Variants in ZNF32 observed in about 807,000 individuals in gnomAD.
The protein encoded by ZNF32 is zinc finger protein 32, also known as C2H2-546.
Under a neutral mutation model 24.4 loss-of-function variants are expected in ZNF32, and 13 were observed. The observed-to-expected ratio is 0.53, with a 90% CI of 0.35 to 0.85. ZNF32 has a LOEUF of 0.85. Ranked by LOEUF, ZNF32 falls within the 40% of genes least tolerant of loss-of-function variation. The probability of loss-of-function intolerance (pLI) is 0.01; values close to 1 mark genes in which losing one functional copy is unlikely to be tolerated. For missense variants in ZNF32, 239 were observed against 325.3 expected, an observed-to-expected ratio of 0.73 and a Z score of 2.04; for synonymous variants, 115 against 117.4, an observed-to-expected ratio of 0.98 and a Z score of 0.13.
Position 43,644,600 on chromosome 10 carries a change from C to A in ZNF32, c.272G>T (p.Ser91Ile). 3 of 1,613,942 alleles carry A rather than the reference C, an allele frequency of 1.9e-6. No homozygotes were observed. The highest frequency in any genetic ancestry group is 2.5e-6 in the Non-Finnish European group (3 of 1,179,910). The stretch of plus-strand genomic sequence containing the variant: ...GTGGATTCTCTCATGTAACGTTAGA[C>A]TACCTTTTTGCCGGAAGGATTTTCC... ...ECGKSFRQKG[S>I]LTLHERIHTG... The change falls in exon 3 of 3, where the codon AGT (serine) becomes ATT (isoleucine). Residue 91 changes from serine to isoleucine, a missense_variant. Coordinates refer to ENST00000374433, the MANE Select transcript of ZNF32 (RefSeq NM_006973.3). This position sits in a 1 kb window ranked among gnomAD's most constrained non-coding sequence, Gnocchi z 5.3.
chr10:43,644,837 C>A lies in ZNF32; in HGVS notation c.71-36G>T. 6.5e-7 allele frequency: 1 copy of A among 1,547,358 alleles called. No individual in the cohort carries two copies. The highest frequency in any genetic ancestry group is 8.7e-7 in the Non-Finnish European group (1 of 1,151,822). On this transcript the variant is annotated intron_variant, in intron 2 of 2. Coordinates refer to ENST00000374433, the MANE Select transcript of ZNF32 (RefSeq NM_006973.3). The surrounding 1 kb of genome is among the most constrained non-coding windows in gnomAD (Gnocchi z 5.3). The stretch of plus-strand genomic sequence containing the variant: ...GAGAGGGAAGTCATATAAGAAGCAC[C>A]AATAATGCTGAGTTAGAATAGGGAA...
chr10:43,647,509 G>A (rs1325912668), intron 1 of ZNF32: 5 of 152,072 alleles, frequency 3.3e-5, no homozygotes, highest in African/African-American at 4.8e-5. Flanking sequence ...CAAAATGCTG[G>A]CCTTCTGATT....
chr10:43,648,492 C>T (rs1178291257), intron 1 of ZNF32: 1 of 152,124 alleles, frequency 6.6e-6, no homozygotes, highest in Non-Finnish European at 1.5e-5. Flanking sequence ...CCTCCCACGC[C>T]CCGACGCCAT....
rs1366345407 is a variant in ZNF32 at position 43,644,043 on chromosome 10, A to C, written c.*7T>G. 2 of 1,601,338 alleles carry C rather than the reference A, an allele frequency of 1.2e-6. No homozygotes were observed. The highest frequency in any genetic ancestry group is 1.7e-6 in the Non-Finnish European group (2 of 1,174,788). On this transcript the variant is annotated 3_prime_UTR_variant, in exon 3 of 3. Coordinates refer to ENST00000374433, the MANE Select transcript of ZNF32 (RefSeq NM_006973.3). This position sits in a 1 kb window ranked among gnomAD's most constrained non-coding sequence, Gnocchi z 5.3. ...TTCATAAAGAGAACTTCTCTTCAGG[A>C]AAGTGGTCAAAGGGTGAGCCTCTGT...
In ZNF32 at chr10:43,646,035, C is replaced by A. The variant is rs116698198; in HGVS notation, c.70+29G>T. ...GGACACTGAATATCTGTGAGCTGAG[C>A]GCATCCAGCCATCAACTGACTCACT... On this transcript the variant is annotated intron_variant, in intron 2 of 2. Transcript: ENST00000374433. The A allele has an allele frequency of 1.9e-6, 3 of 1,613,052 alleles. No individual in the cohort carries two copies. The East Asian group carries it at 6.7e-5, about 36-fold the overall frequency.
intron 1 of ZNF32, chr10:43,648,015 T>C (rs1839374330): frequency 6.6e-6 from 1 of 152,206 alleles, no homozygotes; most frequent in Admixed American, 6.5e-5. Context: ...TTGATTTTCC[T>C]ATTAGAAAGG....
chr10:43,644,061 G>A lies in ZNF32; in HGVS notation c.811C>T (p.Leu271Phe). Reference protein sequence around the residue: ...AVHQRSCSQRLTL With the variant: ...AVHQRSCSQRFTL ...CTTCAGGAAAGTGGTCAAAGGGTGAGCCTCTGTGAGCAGCTTCGCTGGTGC... is the reference window on the plus strand; with the variant it reads ...CTTCAGGAAAGTGGTCAAAGGGTGAACCTCTGTGAGCAGCTTCGCTGGTGC... Residue 271 changes from leucine to phenylalanine, a missense_variant, in exon 3 of 3, where the codon CTC becomes TTC. Physicochemically the swap from Leu to Phe is conservative, Grantham distance 22 (BLOSUM62 0). Transcript: ENST00000374433. The surrounding 1 kb of genome is among the most constrained non-coding windows in gnomAD (Gnocchi z 5.3). 6.2e-7 allele frequency: 1 copy of A among 1,612,436 alleles called. No individual in the cohort carries two copies. Among genetic ancestry groups the A allele is most frequent in the African/African-American group, 1.3e-5 (1 of 74,960 alleles).
Position 43,644,707 on chromosome 10 carries a change from C to T in ZNF32, c.165G>A (p.Leu55=), listed in dbSNP as rs766235856. Residue 55 remains leucine, a synonymous_variant, in exon 3 of 3, where the codon CTG becomes CTA. Coordinates refer to ENST00000374433, the MANE Select transcript of ZNF32 (RefSeq NM_006973.3). The surrounding 1 kb of genome is among the most constrained non-coding windows in gnomAD (Gnocchi z 5.3). ...DIQNSFRREK[L]EQKSPDSKTL... ...TCTTCGAATCTGGGGATTTTTGTTC[C>T]AGCTTCTCTCTTCTGAAAGAATTTT... 3.5e-5 allele frequency: 56 copies of T among 1,613,992 alleles called. No homozygotes were observed. The highest frequency in any genetic ancestry group is 4.7e-5 in the Non-Finnish European group (55 of 1,180,024).
rs1839209069 is a variant in ZNF32 at position 43,644,436 on chromosome 10, C to T, written c.436G>A (p.Gly146Ser). Residue 146 changes from glycine (G) to serine (S), a missense_variant, in exon 3 of 3, where the codon GGT becomes AGT. Physicochemically the swap from Gly to Ser is moderately conservative, Grantham distance 56. Transcript: ENST00000374433. This position sits in a 1 kb window ranked among gnomAD's most constrained non-coding sequence, Gnocchi z 5.3. The stretch of plus-strand genomic sequence containing the variant: ...AGTCTCTCGTGGACAGCGAGACTAC[C>T]TCGTTGACTGAAGCTTTTCCCACAC... ...KECGKSFSQR[G>S]SLAVHERLHT... 1.2e-6 allele frequency: 2 copies of T among 1,614,038 alleles called. No homozygotes were observed. The highest frequency in any genetic ancestry group is 1.7e-6 in the Non-Finnish European group (2 of 1,180,026).
chr10:43,646,047 T>C lies in ZNF32; in HGVS notation c.70+17A>G. 1 of 1,614,000 alleles carries C rather than the reference T, an allele frequency of 6.2e-7. No homozygotes were observed. Among genetic ancestry groups the C allele is most frequent in the South Asian group, 1.1e-5 (1 of 91,058 alleles). The stretch of plus-strand genomic sequence containing the variant: ...TCTGTGAGCTGAGCGCATCCAGCCA[T>C]CAACTGACTCACTCACTGAAGAACG... On this transcript the variant is annotated intron_variant, in intron 2 of 2. Transcript: ENST00000374433.
chr10:43,646,108 A>G lies in ZNF32; in HGVS notation c.26T>C (p.Leu9Pro), dbSNP rs747797677. 1.2e-6 allele frequency: 2 copies of G among 1,614,168 alleles called. No homozygotes were observed. Among genetic ancestry groups the G allele is most frequent in the Admixed American group, 3.3e-5 (2 of 60,022 alleles). The stretch of plus-strand genomic sequence containing the variant: ...GGCATATCTTCCATGACAGTCCAGC[A>G]GGGTAGCTGTTGGAAATCCAAACAT... Reference protein sequence around the residue: MFGFPTATLLDCHGRYAQN... With the variant: MFGFPTATPLDCHGRYAQN... The change falls in exon 2 of 3, where the codon CTG becomes CCG. Residue 9 changes from leucine to proline, a missense_variant. By Grantham distance (98) the Leu-to-Pro change is moderately conservative (BLOSUM62 -3). Coordinates refer to ENST00000374433, the MANE Select transcript of ZNF32 (RefSeq NM_006973.3).
At position 43,646,079 on chromosome 10, in the gene ZNF32, T is replaced by C. The variant is rs1839276776; in HGVS notation, c.55A>G (p.Asn19Asp). ...LLDCHGRYAQ[N>D]VAFFNVMTEA... is the part of the protein sequence containing the mutation. ...ACTCACTCACTGAAGAACGCTACAT[T>C]CTGGGCATATCTTCCATGACAGTCC... The change falls in exon 2 of 3, where the codon AAT becomes GAT. Residue 19 changes from asparagine (N) to aspartate (D), a missense_variant. Transcript: ENST00000374433. 1 of 1,614,138 alleles carries C rather than the reference T, an allele frequency of 6.2e-7. No individual in the cohort carries two copies. Among genetic ancestry groups the C allele is most frequent in the Non-Finnish European group, 8.5e-7 (1 of 1,180,012 alleles).
chr10:43,644,908 T>G lies in ZNF32; in HGVS notation c.71-107A>C. On this transcript the variant is annotated intron_variant, in intron 2 of 2. Transcript: ENST00000374433. The surrounding 1 kb of genome is among the most constrained non-coding windows in gnomAD (Gnocchi z 5.3). ...GTGCTTATGATGTGCCAGGCCTTATTCTTTGCATAGACAATGCAATCCTGA... is the reference window on the plus strand; with the variant it reads ...GTGCTTATGATGTGCCAGGCCTTATGCTTTGCATAGACAATGCAATCCTGA... 7.9e-7 allele frequency: 1 copy of G among 1,259,388 alleles called. No individual in the cohort carries two copies. The highest frequency in any genetic ancestry group is 1.1e-6 in the Non-Finnish European group (1 of 919,868). 78.0% of individuals were successfully genotyped at this position (1,259,388 alleles called of 1,614,324 possible). A position where few individuals can be genotyped will look rare whatever the true frequency, so the allele number is the denominator to read the frequency against.
At position 43,646,058 on chromosome 10, in the gene ZNF32, A is replaced by G; in HGVS notation, c.70+6T>C. 1 of 1,614,066 alleles carries G rather than the reference A, an allele frequency of 6.2e-7. No homozygotes were observed. Among genetic ancestry groups the G allele is most frequent in the Non-Finnish European group, 8.5e-7 (1 of 1,179,966 alleles). On this transcript the variant is annotated splice_donor_region_variant and intron_variant, in intron 2 of 2. Coordinates refer to ENST00000374433, the MANE Select transcript of ZNF32 (RefSeq NM_006973.3). ...AGCGCATCCAGCCATCAACTGACTC[A>G]CTCACTGAAGAACGCTACATTCTGG...
chr10:43,645,828 G>T, intron 2 of ZNF32: 1 of 739,792 alleles, frequency 1.4e-6, no homozygotes, highest in Non-Finnish European at 1.9e-6. Flanking sequence ...GATTTAAGCT[G>T]CTCATTCATT....
chr10:43,644,877 C>CT lies in ZNF32; in HGVS notation c.71-77dup, dbSNP rs1383846075. On this transcript the variant is annotated intron_variant, in intron 2 of 2. Transcript: ENST00000374433. This position sits in a 1 kb window ranked among gnomAD's most constrained non-coding sequence, Gnocchi z 5.3. ...AGAATAGGGAAAAAGAAACATAATACTTTGAGTGCTTATGATGTGCCAGGC... is the reference window on the plus strand; with the variant it reads ...AGAATAGGGAAAAAGAAACATAATACTTTTGAGTGCTTATGATGTGCCAGGC... 1.8e-5 allele frequency: 27 copies of CT among 1,470,062 alleles called. No homozygotes were observed. The highest frequency in any genetic ancestry group is 2.4e-5 in the Non-Finnish European group (26 of 1,095,680). The allele number at this position is 1,470,062 out of a possible 1,614,324, so 91.1% of individuals were successfully genotyped here. A position where few individuals can be genotyped will look rare whatever the true frequency, so the allele number is the denominator to read the frequency against.
rs910789972 is a variant in ZNF32, at chr10:43,644,973, G to C, written c.71-172C>G. 20 of 768,652 alleles carry C rather than the reference G, an allele frequency of 2.6e-5. No individual in the cohort carries two copies. The African/African-American group carries it at 3.0e-4, about 11-fold the overall frequency. The allele number at this position is 768,652 out of a possible 1,614,324, so 47.6% of individuals were successfully genotyped here. A position where few individuals can be genotyped will look rare whatever the true frequency, so the allele number is the denominator to read the frequency against. ...GAGTGATACAGATAATGGGAGCAAA[G>C]GGAGCCTGTCAAAGGTCACAGAGCT... On this transcript the variant is annotated intron_variant, in intron 2 of 2. Coordinates refer to ENST00000374433, the MANE Select transcript of ZNF32 (RefSeq NM_006973.3). This position sits in a 1 kb window ranked among gnomAD's most constrained non-coding sequence, Gnocchi z 5.3.
intron 1 of ZNF32, 28 bp from the exon 2 acceptor site, chr10:43,646,230 A>C: frequency 7.4e-7 from 1 of 1,359,994 alleles, no homozygotes; most frequent in Non-Finnish European, 1.0e-6. Context: ...ACAGAAACAA[A>C]CAGGAAAGGG....
At position 43,644,208 on chromosome 10, in the gene ZNF32, A is replaced by G; in HGVS notation, c.664T>C (p.Cys222Arg). Reference protein sequence around the residue: ...TGLKPYACTQCRKSFHTRGNC... With the variant: ...TGLKPYACTQRRKSFHTRGNC... ...CCCCTGGTGTGGAAACTCTTCCTGC[A>G]CTGGGTACAGGCATAGGGCTTCAGG... Residue 222 changes from cysteine to arginine, a missense_variant, in exon 3 of 3, where the codon TGC (cysteine) becomes CGC (arginine). Cys to Arg is a radical substitution (Grantham distance 180, BLOSUM62 -3). Coordinates refer to ENST00000374433, the MANE Select transcript of ZNF32 (RefSeq NM_006973.3). This position sits in a 1 kb window ranked among gnomAD's most constrained non-coding sequence, Gnocchi z 5.3. 6.2e-7 allele frequency: 1 copy of G among 1,614,172 alleles called. No individual in the cohort carries two copies. The highest frequency in any genetic ancestry group is 8.5e-7 in the Non-Finnish European group (1 of 1,180,028).
Sources: gnomAD v4.1 joint callset for allele counts on GRCh38, gnomAD v4.1.1 for gene constraint, Gnocchi (gnomAD v3.1) non-coding constraint, MANE v1.5 for transcripts, NCBI Gene and HGNC (gene_info 2026-07-23, HGNC 2026-07-21) for gene names.